The following CGREF1 variants were observed in gnomAD, a reference collection of about 807,000 sequenced individuals.
CGREF1 encodes the protein cell growth regulator with EF-hand domain 1.
In CGREF1, 16 loss-of-function variants were observed where a neutral mutation model predicts 17.4. That is an observed-to-expected ratio of 0.92 (90% CI 0.62 to 1.40). CGREF1 has a LOEUF of 1.40. Among genes scored for constraint, CGREF1 ranks in the 40% most tolerant of loss-of-function variants. The probability of loss-of-function intolerance (pLI) is 0.00; values close to 1 mark genes in which losing one functional copy is unlikely to be tolerated. For synonymous variants in CGREF1, 142 were observed against 154.6 expected, an observed-to-expected ratio of 0.92 and a Z score of 0.61; for missense variants, 296 against 376.4, an observed-to-expected ratio of 0.79 and a Z score of 1.77.
At chr2:27,103,430 TG>T (rs1488758722) in intron 2 of CGREF1, among the ~76,000 whole-genome samples, 2 of 151,946 alleles carry the variant, frequency 1.3e-5, no homozygotes, top group African/African-American at 4.8e-5. Context: ...CTGAGTGCAG[TG>T]GCTTGATCTC....
At position 27,100,722 on chromosome 2, in the gene CGREF1, A is replaced by G; in HGVS notation, c.*552T>C. ...TTGGCTACAGAATTATTGTGAGGAT[A>G]AAATCATATATAAAATGCCCAGCAT... On this transcript the variant is annotated 3_prime_UTR_variant, in exon 6 of 6. Coordinates refer to ENST00000402394, the MANE Select transcript of CGREF1 (RefSeq NM_006569.6). The G allele has an allele frequency of 2.7e-6, 3 of 1,131,784 alleles. No individual in the cohort carries two copies. Among genetic ancestry groups the G allele is most frequent in the Non-Finnish European group, 3.4e-6 (3 of 890,060 alleles). 70.1% of individuals were successfully genotyped at this position (1,131,784 alleles called of 1,614,324 possible). A position where few individuals can be genotyped will look rare whatever the true frequency, so the allele number is the denominator to read the frequency against.
In CGREF1 at chr2:27,101,613, C is replaced by T. The variant is rs1401214395; in HGVS notation, c.618G>A (p.Gln206=). The part of the protein sequence containing the change: ...EARRESLDPV[Q]EPGGQAEADG... Reference sequence around the variant, plus strand: ...CAGCCTCTGCCTGGCCCCCAGGCTCCTGGACAGGATCCAAAGACTCCCTTC... The same window carrying T: ...CAGCCTCTGCCTGGCCCCCAGGCTCTTGGACAGGATCCAAAGACTCCCTTC... Residue 206 remains glutamine, a synonymous_variant, in exon 6 of 6, where the codon CAG becomes CAA. Transcript: ENST00000402394. 2.5e-6 allele frequency: 4 copies of T among 1,614,098 alleles called. No homozygotes were observed. Among genetic ancestry groups the T allele is most frequent in the Non-Finnish European group, 3.4e-6 (4 of 1,180,024 alleles).
rs765627192 is a variant in CGREF1, at chr2:27,102,343, T to A, written c.217+17A>T. ...CCAGAGCCTCCCGTCCCTGGCCCCA[T>A]CAGCCCAGCCCCTCACCCTGCTCCC... On this transcript the variant is annotated intron_variant, in intron 4 of 5. Transcript: ENST00000402394. 1 of 1,613,986 alleles carries A rather than the reference T, an allele frequency of 6.2e-7. No homozygotes were observed. The highest frequency in any genetic ancestry group is 1.1e-5 in the South Asian group (1 of 91,074).
intron 1 of CGREF1, among the ~76,000 whole-genome samples, chr2:27,107,682 C>T (rs554080420): frequency 5.8e-4 from 88 of 150,738 alleles, no homozygotes; most frequent in Non-Finnish European, 9.9e-4. Flanking sequence ...TGCCTGTAGT[C>T]CCCGCACTTT....
At chr2:27,104,440 G>A (rs776137211) in intron 1 of CGREF1, 63 bp from the exon 2 acceptor site, 1 of 1,587,216 alleles carries the variant, frequency 6.3e-7, no homozygotes, top group Non-Finnish European at 8.6e-7. Flanking sequence ...GTCACAGATG[G>A]GCTGGGTTAG....
chr2:27,100,986 G>T lies in CGREF1; in HGVS notation c.*288C>A. The stretch of plus-strand genomic sequence containing the variant: ...GAGCACCGTGAGGCCCAGAAACACT[G>T]GGCAGGCGGCATCCCTGTCCTTTCG... On this transcript the variant is annotated 3_prime_UTR_variant, in exon 6 of 6. Transcript: ENST00000402394. 1 of 1,220,726 alleles carries T rather than the reference G, an allele frequency of 8.2e-7. No homozygotes were observed. The highest frequency in any genetic ancestry group is 1.0e-6 in the Non-Finnish European group (1 of 978,878). The allele number at this position is 1,220,726 out of a possible 1,614,324, so 75.6% of individuals were successfully genotyped here.
In CGREF1 at chr2:27,101,409, CCCTCT is replaced by C; in HGVS notation, c.817_821del (p.Arg273GlyfsTer26). 3 of 1,567,564 alleles carry C rather than the reference CCCTCT, an allele frequency of 1.9e-6. No individual in the cohort carries two copies. Among genetic ancestry groups the C allele is most frequent in the Non-Finnish European group, 8.7e-7 (1 of 1,153,722 alleles). Reference sequence around the variant, plus strand: ...TGGCCTCTGCCTGGCCCCCAGCTTCCCCTCTGGGCCCGGGGGCATCTCCTTCAGCC... The same window carrying C: ...TGGCCTCTGCCTGGCCCCCAGCTTCCGGGCCCGGGGGCATCTCCTTCAGCC... On this transcript the variant is annotated frameshift_variant, in exon 6 of 6. Transcript: ENST00000402394. LOFTEE classifies it low-confidence loss of function (END_TRUNC).
intron 1 of CGREF1, among the ~76,000 whole-genome samples, chr2:27,111,485 C>T (rs1158202473): frequency 1.3e-5 from 2 of 152,258 alleles, no homozygotes; most frequent in Non-Finnish European, 2.9e-5. Flanking sequence ...GCAGGTGGAG[C>T]TGCCTGTCAG....
At chr2:27,100,387 A>G, downstream of CGREF1, 1 of 1,262,230 alleles carries the variant, frequency 7.9e-7, no homozygotes, top group Non-Finnish European at 1.0e-6. Context: ...ACTGCCCCAG[A>G]GCCTGAAAGT....
intron 1 of CGREF1, among the ~76,000 whole-genome samples, chr2:27,107,635 T>TA (rs1671175586): frequency 1.3e-5 from 2 of 150,110 alleles, no homozygotes; most frequent in South Asian, 2.1e-4. Flanking sequence ...ACAGTATGTT[T>TA]TAAAAAAAAA....
downstream of CGREF1, chr2:27,099,658 C>A: frequency 6.2e-7 from 1 of 1,614,170 alleles, no homozygotes; most frequent in Non-Finnish European, 8.5e-7. Context: ...ACTTGCCCCT[C>A]CTCCAGGGAG....
rs1444907765 is a variant in CGREF1 at position 27,111,732 on chromosome 2, G to T, written c.-12+7114C>A. On this transcript the variant is annotated intron_variant, in intron 1 of 5. Transcript: ENST00000402394. ...CCAGGTGCTAAGCCCCTCACTGCCC[G>T]GGGCCGGCGGGGCCGGCCGGCAGCT... Among the ~76,000 whole-genome samples the T allele has an allele frequency of 3.3e-5, 5 of 151,884 alleles. No homozygotes were observed. In the South Asian group the frequency reaches 1.0e-3, roughly 31 times the overall value.
chr2:27,109,850 A>T lies in CGREF1; in HGVS notation c.-11-5473T>A, dbSNP rs1374649734. 2.3e-5 allele frequency among the ~76,000 whole-genome samples: 3 copies of T among 129,156 alleles called. No homozygotes were observed. The East Asian group carries it at 7.9e-4, about 34-fold the overall frequency. The allele number at this position is 129,156 out of a possible 152,430, so 84.7% of individuals were successfully genotyped here. On this transcript the variant is annotated intron_variant, in intron 1 of 5. Transcript: ENST00000402394. ...TGGTGAGCCGAGATCACACCATTGC[A>T]CTCCAGCCTGGGCAACAAGAGGAAG...
chr2:27,103,313 G>A (rs1283987355), intron 2 of CGREF1, among the ~76,000 whole-genome samples: 1 of 152,058 alleles, frequency 6.6e-6, no homozygotes, highest in Non-Finnish European at 1.5e-5. Flanking sequence ...CCTTCAGAAA[G>A]GTATTCAGAT....
downstream of CGREF1, chr2:27,099,789 A>C: frequency 6.2e-7 from 1 of 1,606,302 alleles, no homozygotes; most frequent in Non-Finnish European, 8.5e-7. Flanking sequence ...GGAGACTACC[A>C]TTGCGGCTGC....
chr2:27,102,364 C>T lies in CGREF1; in HGVS notation c.213G>A (p.Glu71=). The change falls in exon 4 of 6, where the codon GAG becomes GAA. Residue 71 remains glutamate (E), a synonymous_variant. Transcript: ENST00000402394. ...TEVQLEHLSR[E]QVLLYLFALH... ...CCCATCAGCCCAGCCCCTCACCCTG[C>T]TCCCGGCTCAGATGCTCCAGTTGCA... The T allele has an allele frequency of 6.2e-7, 1 of 1,614,166 alleles. No homozygotes were observed. The highest frequency in any genetic ancestry group is 1.7e-5 in the Admixed American group (1 of 60,032).
At position 27,102,104 on chromosome 2, in the gene CGREF1, G is replaced by A; in HGVS notation, c.335C>T (p.Thr112Ile). ...CCATCCAGCAGAGCTTACCGGGTTG[G>A]TGGTAGGAGAGTTGGCAGCTCCAGG... ...LAPGAANSPT[T>I]NPVILIVDKV... The change falls in exon 5 of 6, where the codon ACC becomes ATC. Residue 112 changes from threonine to isoleucine, a missense_variant. This residue lies in a region of CGREF1 where 247 missense variants were observed against 267.2 expected (regional missense o/e 0.92). Transcript: ENST00000402394. The A allele has an allele frequency of 6.2e-7, 1 of 1,606,114 alleles. No individual in the cohort carries two copies. Among genetic ancestry groups the A allele is most frequent in the Non-Finnish European group, 8.5e-7 (1 of 1,173,812 alleles).
chr2:27,114,904 TTG>T (rs970434627), intron 1 of CGREF1, among the ~76,000 whole-genome samples: 6 of 151,114 alleles, frequency 4.0e-5, no homozygotes, highest in African/African-American at 1.2e-4. Flanking sequence ...CGTTATCTTT[TTG>T]TGTGTGTGTG....
chr2:27,109,901 A>G (rs13017670), intron 1 of CGREF1, among the ~76,000 whole-genome samples: 40,499 of 136,170 alleles, frequency 0.3, 7,112 homozygotes, highest in Admixed American at 0.45. Context: ...AAAAAAAAAA[A>G]AAAAAAAAAA....
Sources: allele counts gnomAD v4.1 joint callset (sites outside exome capture counted in the v4.1 genomes callset), GRCh38; gene constraint gnomAD v4.1.1; regional missense constraint gnomAD v4.1.1; transcripts MANE v1.5; gene names NCBI Gene and HGNC (gene_info 2026-07-23, HGNC 2026-07-21).